The following FGGY variants were observed in gnomAD, a reference collection of about 807,000 sequenced individuals.
FGGY encodes FGGY carbohydrate kinase domain containing, also known as FGGY carbohydrate kinase domain-containing protein.
In FGGY, 72 loss-of-function variants were observed where a neutral mutation model predicts 71.3. The ratio of observed to expected loss-of-function variants is 1.01; its 90% CI spans 0.84 to 1.23. The LOEUF (loss-of-function observed/expected upper bound fraction) is 1.23, where lower values mean the gene tolerates loss of function less well. FGGY is among the 50% of genes most tolerant of loss of function. The probability of loss-of-function intolerance (pLI) is 0.00; values close to 1 mark genes in which losing one functional copy is unlikely to be tolerated. For missense variants in FGGY, 668 were observed against 682.3 expected (o/e 0.98, Z 0.23); for synonymous variants, 251 against 250.3 (o/e 1.00, Z -0.02).
intron 10 of FGGY, among the ~76,000 whole-genome samples, chr1:59,630,754 A>G (rs1039685631): frequency 2.6e-5 from 4 of 152,356 alleles, no homozygotes; most frequent in Non-Finnish European, 5.9e-5. Context: ...AAACTCAGAG[A>G]AACAACAGTA....
intron 7 of FGGY, among the ~76,000 whole-genome samples, chr1:59,545,245 T>A (rs578109291): frequency 6.6e-6 from 1 of 152,358 alleles, no homozygotes; most frequent in African/African-American, 2.4e-5. Context: ...GTTGAATTAA[T>A]CAATTTATAA....
At chr1:59,546,491 AG>A (rs1208779948) in intron 7 of FGGY, among the ~76,000 whole-genome samples, 1 of 125,694 alleles carries the variant, frequency 8.0e-6, no homozygotes, top group Non-Finnish European at 1.6e-5. Context: ...CTTAAAGCAT[AG>A]GATGATGATG....
At position 59,581,739 on chromosome 1, in the gene FGGY, C is replaced by T. The variant is rs538542332; in HGVS notation, c.904-26064C>T. 2.3e-4 allele frequency among the ~76,000 whole-genome samples: 35 copies of T among 149,920 alleles called. 1 individual carries two copies. In the South Asian group the frequency reaches 7.4e-3, roughly 32 times the overall value. ...TAATCTTTATAGTGACCCTAAAATG[C>T]ATTGTTATCCCTTAGTTATAGATGA... On this transcript the variant is annotated intron_variant, in intron 8 of 15. Transcript: ENST00000303721.
chr1:59,458,669 TC>T (rs1221577872), intron 6 of FGGY, among the ~76,000 whole-genome samples: 1 of 152,220 alleles, frequency 6.6e-6, no homozygotes, highest in Non-Finnish European at 1.5e-5. Context: ...TTAGATTTTT[TC>T]CCTGTTAAGT....
At chr1:59,739,270 C>T (rs1436027950) in intron 14 of FGGY, among the ~76,000 whole-genome samples, 1 of 152,290 alleles carries the variant, frequency 6.6e-6, no homozygotes, top group Middle Eastern at 3.4e-3. Context: ...CTTGTTCTGT[C>T]CTTGCCTCTA....
chr1:59,354,959 AAGG>A (rs1352938939), intron 4 of FGGY, among the ~76,000 whole-genome samples: 2 of 152,194 alleles, frequency 1.3e-5, no homozygotes, highest in Non-Finnish European at 2.9e-5. Context: ...GAGATCAGCA[AAGG>A]AGGTCAGCTG....
At chr1:59,337,340 C>T (rs956606617) in intron 2 of FGGY, among the ~76,000 whole-genome samples, 5 of 152,034 alleles carry the variant, frequency 3.3e-5, no homozygotes, top group African/African-American at 1.2e-4. Context: ...TGCCTCACTG[C>T]AAAAGGGAGA....
chr1:59,376,924 C>G (rs77896565), intron 4 of FGGY, among the ~76,000 whole-genome samples: 33 of 152,218 alleles, frequency 2.2e-4, no homozygotes, highest in African/African-American at 7.9e-4. Flanking sequence ...AGAAAATGGC[C>G]ACTTCATGCT....
intron 8 of FGGY, among the ~76,000 whole-genome samples, chr1:59,567,722 A>G (rs1010417744): frequency 6.6e-5 from 10 of 151,692 alleles, no homozygotes; most frequent in Admixed American, 1.3e-4. Context: ...ATATGTGTGC[A>G]TTCTTCTGTG....
chr1:59,592,520 G>T (rs143303129), intron 8 of FGGY, among the ~76,000 whole-genome samples: 8,034 of 152,100 alleles, frequency 0.053, 414 homozygotes, highest in African/African-American at 0.14. Flanking sequence ...CAATAGCAAA[G>T]ACTTGGAACC....
At position 59,475,204 on chromosome 1, in the gene FGGY, T is replaced by C. The variant is rs56208050; in HGVS notation, c.670+18128T>C. Reference sequence around the variant, plus strand: ...TTTTTCCAACCAAGATACAATAAGATTAATTAGATTTCTGCTTCTAAATTA... The same window carrying C: ...TTTTTCCAACCAAGATACAATAAGACTAATTAGATTTCTGCTTCTAAATTA... On this transcript the variant is annotated intron_variant, in intron 6 of 15. Coordinates refer to ENST00000303721, the MANE Select transcript of FGGY (RefSeq NM_018291.5). Among the ~76,000 whole-genome samples, 869 of 152,324 alleles carry C rather than the reference T, an allele frequency of 5.7e-3. 7 individuals are homozygous for C. Among genetic ancestry groups the C allele is most frequent in the African/African-American group, 0.02 (840 of 41,574 alleles).
Position 59,636,437 on chromosome 1 carries a change from C to T in FGGY, c.1074-1791C>T, listed in dbSNP as rs544669705. The stretch of plus-strand genomic sequence containing the variant: ...GAGATTGAGACCATCCTGGCTAACA[C>T]GGTGAAGCCCCGTCTATACTAAAAA... On this transcript the variant is annotated intron_variant, in intron 10 of 15. Coordinates refer to ENST00000303721, the MANE Select transcript of FGGY (RefSeq NM_018291.5). Among the ~76,000 whole-genome samples, 349 of 152,060 alleles carry T rather than the reference C, an allele frequency of 2.3e-3. 4 individuals carry two copies. Among genetic ancestry groups the T allele is most frequent in the African/African-American group, 7.9e-3 (327 of 41,470 alleles).
At chr1:59,740,863 C>T (rs761143295) in intron 14 of FGGY, among the ~76,000 whole-genome samples, 13 of 152,104 alleles carry the variant, frequency 8.5e-5, no homozygotes, top group Non-Finnish European at 1.9e-4. Context: ...ATTGAACCCG[C>T]GAGATGTGGC....
At chr1:59,490,983 CT>C (rs2093813446) in intron 6 of FGGY, among the ~76,000 whole-genome samples, 2 of 140,328 alleles carry the variant, frequency 1.4e-5, no homozygotes, top group Non-Finnish European at 3.1e-5. Flanking sequence ...AGCCTGCTTG[CT>C]TGCTTGCTTG....
At chr1:59,513,865 A>G (rs2094575233) in intron 7 of FGGY, among the ~76,000 whole-genome samples, 1 of 152,192 alleles carries the variant, frequency 6.6e-6, no homozygotes, top group Admixed American at 6.5e-5. Context: ...TACATACTAC[A>G]TGGATTTCCA....
At chr1:59,429,376 C>G (rs1372721430) in intron 5 of FGGY, among the ~76,000 whole-genome samples, 2 of 151,934 alleles carry the variant, frequency 1.3e-5, no homozygotes, top group Non-Finnish European at 2.9e-5. Flanking sequence ...AAAGAGTTTT[C>G]CCTCTTGATT....
At chr1:59,452,071 T>C (rs1247769551) in intron 5 of FGGY, among the ~76,000 whole-genome samples, 1 of 150,742 alleles carries the variant, frequency 6.6e-6, no homozygotes, top group Admixed American at 6.6e-5. Context: ...CTCCCTCATT[T>C]GTTCTTTTCT....
intron 7 of FGGY, among the ~76,000 whole-genome samples, chr1:59,532,451 T>A (rs2095172802): frequency 6.6e-6 from 1 of 152,136 alleles, no homozygotes; most frequent in Non-Finnish European, 1.5e-5. Flanking sequence ...GAAGCTATAT[T>A]TGAAGAGATA....
At chr1:59,707,737 C>T (rs1271688081) in intron 14 of FGGY, among the ~76,000 whole-genome samples, 1 of 152,098 alleles carries the variant, frequency 6.6e-6, no homozygotes, top group Non-Finnish European at 1.5e-5. Flanking sequence ...AATGAAGCCC[C>T]CTTGGATGTG....
Sources: allele counts gnomAD v4.1 joint callset (sites outside exome capture counted in the v4.1 genomes callset), GRCh38; gene constraint gnomAD v4.1.1; transcripts MANE v1.5; gene names NCBI Gene and HGNC (gene_info 2026-07-23, HGNC 2026-07-21).